STRAP: variants seen among roughly 807,000 people sequenced by gnomAD.
STRAP encodes serine/threonine kinase receptor associated protein, also known as serine-threonine kinase receptor-associated protein.
A neutral mutation model predicts 47.0 loss-of-function variants in STRAP; 16 were observed. The ratio of observed to expected loss-of-function variants is 0.34; its 90% CI spans 0.23 to 0.52. STRAP has a LOEUF of 0.52. Among genes scored for constraint, STRAP ranks in the 20% least tolerant of loss-of-function variants. The probability of loss-of-function intolerance (pLI) is 0.96; values close to 1 mark genes in which losing one functional copy is unlikely to be tolerated. For missense variants in STRAP, 293 were observed against 420.0 expected (o/e 0.70, Z 2.64); for synonymous variants, 130 against 142.7 (o/e 0.91, Z 0.63).
rs1948064743 is a variant in STRAP at position 15,896,956 on chromosome 12, GTT to G, written c.639-924_639-923del. ...GAGAGCAATTAAGCAATGTCAAGGA[GTT>G]TATACACATACAGTAAACTGATAGT... is the stretch of plus-strand genomic sequence containing the variant. On this transcript the variant is annotated intron_variant, in intron 6 of 9. Coordinates refer to ENST00000419869, the MANE Select transcript of STRAP (RefSeq NM_007178.4). This position sits in a 1 kb window ranked among gnomAD's most constrained non-coding sequence, Gnocchi z 4.1. 6.6e-6 allele frequency among the ~76,000 whole-genome samples: 1 copy of G among 152,218 alleles called. No individual in the cohort carries two copies. Among genetic ancestry groups the G allele is most frequent in the Non-Finnish European group, 1.5e-5 (1 of 68,038 alleles).
At position 15,890,564 on chromosome 12, in the gene STRAP, T is replaced by C. The variant is rs1260413205; in HGVS notation, c.331-33T>C. The C allele has an allele frequency of 6.6e-7, 1 of 1,511,032 alleles. No individual in the cohort carries two copies. Among genetic ancestry groups the C allele is most frequent in the Non-Finnish European group, 9.1e-7 (1 of 1,096,524 alleles). 93.6% of individuals were successfully genotyped at this position (1,511,032 alleles called of 1,614,324 possible). On this transcript the variant is annotated intron_variant, in intron 3 of 9. Coordinates refer to ENST00000419869, the MANE Select transcript of STRAP (RefSeq NM_007178.4). This position sits in a 1 kb window ranked among gnomAD's most constrained non-coding sequence, Gnocchi z 4.5. ...GAAAGAGAAATAACTATTAAAATGG[T>C]TAATCTATTCACATTTTACTTTGTG... is the stretch of plus-strand genomic sequence containing the variant.
rs1454722820 is a variant in STRAP, at chr12:15,896,543, T to TG, written c.638+1047_638+1048insG. Among the ~76,000 whole-genome samples, 1 of 144,014 alleles carries TG rather than the reference T, an allele frequency of 6.9e-6. No homozygotes were observed. Among genetic ancestry groups the TG allele is most frequent in the Non-Finnish European group, 1.5e-5 (1 of 66,452 alleles). 94.5% of individuals were successfully genotyped at this position (144,014 alleles called of 152,430 possible). On this transcript the variant is annotated intron_variant, in intron 6 of 9. Coordinates refer to ENST00000419869, the MANE Select transcript of STRAP (RefSeq NM_007178.4). The surrounding 1 kb of genome is among the most constrained non-coding windows in gnomAD (Gnocchi z 4.1). Reference sequence around the variant, plus strand: ...TATATGTGGGTGTACAGTATTTGTGTTTTTTTTTTTAATTACTAGGACCAT... The same window carrying TG: ...TATATGTGGGTGTACAGTATTTGTGTGTTTTTTTTTTAATTACTAGGACCAT...
intron 2 of STRAP, among the ~76,000 whole-genome samples, chr12:15,888,282 GTAAGTTATTTGAGGAGTGGTT>G (rs1449148039): frequency 6.6e-6 from 1 of 152,114 alleles, no homozygotes; most frequent in Non-Finnish European, 1.5e-5. Context: ...AAGAAAATAC[GTAAGTTATTTGAGGAGTGGTT>G]TATAATCTAG....
intron 7 of STRAP, 44 bp from the exon 8 acceptor site, chr12:15,899,860 T>C (rs776623485): frequency 6.3e-7 from 1 of 1,576,222 alleles, no homozygotes; most frequent in South Asian, 1.2e-5. Context: ...TATCAATATT[T>C]AACCTAATAG....
rs118054362 is a variant in STRAP at position 15,890,054 on chromosome 12, C to T, written c.330+45C>T. ...ATTTTAGCGAGTTAAGTTGCTGGTA[C>T]ATAGTGTGATAATGCTTTTATACTT... On this transcript the variant is annotated intron_variant, in intron 3 of 9. Transcript: ENST00000419869. The surrounding 1 kb of genome is among the most constrained non-coding windows in gnomAD (Gnocchi z 4.5). The T allele has an allele frequency of 0.01, 15,486 of 1,524,126 alleles. 91 individuals are homozygous for T. The highest frequency in any genetic ancestry group is 0.012 in the Non-Finnish European group (13,371 of 1,098,598). The allele number at this position is 1,524,126 out of a possible 1,614,324, so 94.4% of individuals were successfully genotyped here.
Position 15,883,155 on chromosome 12 carries a change from A to C in STRAP, c.112+336A>C, listed in dbSNP as rs1363569254. On this transcript the variant is annotated intron_variant, in intron 1 of 9. Coordinates refer to ENST00000419869, the MANE Select transcript of STRAP (RefSeq NM_007178.4). Reference sequence around the variant, plus strand: ...CTTTCAAGGATTTGGGGAAAGGAGAAATTAGGCCAGGCCGTGCAATACCTT... The same window carrying C: ...CTTTCAAGGATTTGGGGAAAGGAGACATTAGGCCAGGCCGTGCAATACCTT... 2.6e-6 allele frequency: 4 copies of C among 1,534,654 alleles called. No homozygotes were observed. In the Admixed American group the frequency reaches 7.8e-5, roughly 30 times the overall value.
At chr12:15,889,116 T>G in intron 2 of STRAP, among the ~76,000 whole-genome samples, 2 of 127,470 alleles carry the variant, frequency 1.6e-5, no homozygotes, top group African/African-American at 2.9e-5. Context: ...AAAATCAACT[T>G]TTTTTTCCCC....
rs977710420 is a variant in STRAP at position 15,882,600 on chromosome 12, C to T, written c.-108C>T. The T allele has an allele frequency of 1.1e-6, 1 of 922,164 alleles. No individual in the cohort carries two copies. The highest frequency in any genetic ancestry group is 1.7e-6 in the Non-Finnish European group (1 of 596,782). 57.1% of individuals were successfully genotyped at this position (922,164 alleles called of 1,614,324 possible). A position where few individuals can be genotyped will look rare whatever the true frequency, so the allele number is the denominator to read the frequency against. ...TCTTTTCCTGTTGCCCAGCCCAGCCCTAGTGTCAGGGCGGGGGCCTGGAGC... is the reference window on the plus strand; with the variant it reads ...TCTTTTCCTGTTGCCCAGCCCAGCCTTAGTGTCAGGGCGGGGGCCTGGAGC... On this transcript the variant is annotated 5_prime_UTR_variant, in exon 1 of 10. Transcript: ENST00000419869.
chr12:15,888,461 G>A (rs1296944261), intron 2 of STRAP, among the ~76,000 whole-genome samples: 1 of 152,130 alleles, frequency 6.6e-6, no homozygotes, highest in Non-Finnish European at 1.5e-5. Flanking sequence ...GCTACTTATA[G>A]TTGACATTAT....
Position 15,898,185 on chromosome 12 carries a change from C to T in STRAP, c.775+167C>T, listed in dbSNP as rs1948075611. 8.6e-6 allele frequency: 4 copies of T among 463,714 alleles called. No individual in the cohort carries two copies. In the South Asian group the frequency reaches 1.2e-4, roughly 14 times the overall value. 28.7% of individuals were successfully genotyped at this position (463,714 alleles called of 1,614,324 possible). A position where few individuals can be genotyped will look rare whatever the true frequency, so the allele number is the denominator to read the frequency against. On this transcript the variant is annotated intron_variant, in intron 7 of 9. Transcript: ENST00000419869. ...AGTGAAAAAGTAAAGGAGTTTTAAC[C>T]ATTTGGGTCAGATGCTTTTATAGAT... is the stretch of plus-strand genomic sequence containing the variant.
Position 15,889,966 on chromosome 12 carries a change from C to A in STRAP, c.287C>A (p.Thr96Asn), listed in dbSNP as rs760184286. 11 of 1,613,508 alleles carry A rather than the reference C, an allele frequency of 6.8e-6. No individual in the cohort carries two copies. Among genetic ancestry groups the A allele is most frequent in the Admixed American group, 3.3e-5 (2 of 59,980 alleles). ...WDAVSGDELM[T>N]LAHKHIVKTV... ...GCTGTCTCAGGAGATGAATTGATGA[C>A]CCTGGCTCATAAACACATTGTCAAG... Residue 96 changes from threonine (T) to asparagine (N), a missense_variant, in exon 3 of 10, where the codon ACC becomes AAC. By Grantham distance (65) the Thr-to-Asn change is moderately conservative (BLOSUM62 0). This residue lies in a region of STRAP where 152 missense variants were observed against 183.0 expected (regional missense o/e 0.83). Coordinates refer to ENST00000419869, the MANE Select transcript of STRAP (RefSeq NM_007178.4).
At position 15,895,884 on chromosome 12, in the gene STRAP, C is replaced by CAAA. The variant is rs1948055731; in HGVS notation, c.638+391_638+393dup. ...TCTGAAAAAAAAAAAAAAAAAAAAGCAAAAACTACTGAAATGGTGCTGTCA... is the reference window on the plus strand; with the variant it reads ...TCTGAAAAAAAAAAAAAAAAAAAAGCAAAAAAAACTACTGAAATGGTGCTGTCA... On this transcript the variant is annotated intron_variant, in intron 6 of 9. Coordinates refer to ENST00000419869, the MANE Select transcript of STRAP (RefSeq NM_007178.4). Among the ~76,000 whole-genome samples the CAAA allele has an allele frequency of 6.3e-5, 8 of 127,552 alleles. 1 individual carries two copies. The highest frequency in any genetic ancestry group is 2.4e-4 in the African/African-American group (8 of 33,930). The allele number at this position is 127,552 out of a possible 152,430, so 83.7% of individuals were successfully genotyped here.
intron 9 of STRAP, 27 bp from the exon 10 acceptor site, chr12:15,902,890 T>C (rs1382838323): frequency 7.5e-7 from 1 of 1,327,424 alleles, no homozygotes; most frequent in Non-Finnish European, 9.7e-7. Context: ...TGTGACTTTT[T>C]TTTTTTTTTT....
chr12:15,890,483 G>A lies in STRAP; in HGVS notation c.331-114G>A. The A allele has an allele frequency of 1.2e-6, 1 of 840,340 alleles. No homozygotes were observed. The allele number at this position is 840,340 out of a possible 1,614,324, so 52.1% of individuals were successfully genotyped here. A position where few individuals can be genotyped will look rare whatever the true frequency, so the allele number is the denominator to read the frequency against. On this transcript the variant is annotated intron_variant, in intron 3 of 9. Coordinates refer to ENST00000419869, the MANE Select transcript of STRAP (RefSeq NM_007178.4). The surrounding 1 kb of genome is among the most constrained non-coding windows in gnomAD (Gnocchi z 4.5). ...CTCAGAAGTAATTGGTTATGTCTTG[G>A]CATCTCTTTGTGATGTCTGTGAGCT... is the stretch of plus-strand genomic sequence containing the variant.
intron 2 of STRAP, among the ~76,000 whole-genome samples, chr12:15,888,510 C>G (rs1423026995): frequency 3.3e-5 from 5 of 152,110 alleles, no homozygotes; most frequent in Non-Finnish European, 7.4e-5. Context: ...TCACATGACC[C>G]ACATTATTAA....
intron 4 of STRAP, among the ~76,000 whole-genome samples, chr12:15,893,832 A>T (rs971219401): frequency 6.6e-6 from 1 of 151,858 alleles, no homozygotes; most frequent in Admixed American, 6.6e-5. Flanking sequence ...CAAGCATGGT[A>T]GTTCCTTGGG....
At chr12:15,900,302 C>T (rs1041210303) in intron 8 of STRAP, among the ~76,000 whole-genome samples, 2 of 151,796 alleles carry the variant, frequency 1.3e-5, no homozygotes, top group East Asian at 1.9e-4. Flanking sequence ...GAGGCTGAGG[C>T]GGGCGGATCA....
At chr12:15,895,280 C>A in intron 5 of STRAP, 79 bp from the exon 6 acceptor site, 2 of 1,081,904 alleles carry the variant, frequency 1.8e-6, no homozygotes, top group Non-Finnish European at 2.5e-6. Flanking sequence ...CTTTCGTTGG[C>A]TAATCTGCAG....
Position 15,888,499 on chromosome 12 carries a change from C to T in STRAP, c.249-1429C>T, listed in dbSNP as rs1380948238. Among the ~76,000 whole-genome samples the T allele has an allele frequency of 2.0e-5, 3 of 152,298 alleles. No individual in the cohort carries two copies. The East Asian group carries it at 5.8e-4, about 29-fold the overall frequency. On this transcript the variant is annotated intron_variant, in intron 2 of 9. Coordinates refer to ENST00000419869, the MANE Select transcript of STRAP (RefSeq NM_007178.4). ...CTTTCAGAACATATTTATTCAGCCA[C>T]TCACATGACCCACATTATTAAATAT...
Sources: gnomAD v4.1 joint callset for allele counts (sites outside exome capture counted in the v4.1 genomes callset) on GRCh38, gnomAD v4.1.1 for gene constraint, gnomAD v4.1.1 regional missense constraint, Gnocchi (gnomAD v3.1) non-coding constraint, MANE v1.5 for transcripts, NCBI Gene and HGNC (gene_info 2026-07-23, HGNC 2026-07-21) for gene names.